Variants in EFR3A observed in about 807,000 individuals in gnomAD.
EFR3A encodes the protein EFR3 homolog A.
In EFR3A, 76 loss-of-function variants were observed where a neutral mutation model predicts 104.4. That is an observed-to-expected ratio of 0.73 (90% CI 0.60 to 0.88). EFR3A has a LOEUF of 0.88. EFR3A is among the 40% of genes least tolerant of loss of function. The pLI, the probability that EFR3A is intolerant of heterozygous loss-of-function variation, is 0.00. For missense variants in EFR3A, 985 were observed against 1,012.5 expected, an observed-to-expected ratio of 0.97 and a Z score of 0.37; for synonymous variants, 330 against 330.0, an observed-to-expected ratio of 1.00 and a Z score of 0.00.
chr8:131,977,723 ACTCT>A (rs549336173), intron 12 of EFR3A, among the ~76,000 whole-genome samples: 231 of 151,908 alleles, frequency 1.5e-3, no homozygotes, highest in Non-Finnish European at 2.5e-3. Flanking sequence ...TTTTAAACAG[ACTCT>A]CTCAAGTGCA....
intron 9 of EFR3A, among the ~76,000 whole-genome samples, chr8:131,969,711 A>C (rs2130699284): frequency 6.6e-6 from 1 of 152,106 alleles, no homozygotes; most frequent in African/African-American, 2.4e-5. Flanking sequence ...AAGAGATAAA[A>C]CTGGTTATTT....
chr8:131,927,342 T>C (rs1817352653), intron 1 of EFR3A, among the ~76,000 whole-genome samples: 1 of 152,162 alleles, frequency 6.6e-6, no homozygotes, highest in African/African-American at 2.4e-5. Context: ...CAACATTGCC[T>C]ATTTGCTCAG....
intron 8 of EFR3A, among the ~76,000 whole-genome samples, chr8:131,962,122 C>T (rs926570917): frequency 8.5e-5 from 13 of 152,174 alleles, no homozygotes; most frequent in Non-Finnish European, 1.9e-4. Flanking sequence ...ATTGTAAAGA[C>T]CATCGAGGCT....
intron 1 of EFR3A, among the ~76,000 whole-genome samples, chr8:131,927,747 ACTT>A (rs1326662248): frequency 1.3e-5 from 2 of 152,122 alleles, no homozygotes; most frequent in African/African-American, 4.8e-5. Context: ...ACAATTTACA[ACTT>A]CTTTTGTCTC....
chr8:131,986,094 G>A (rs1820860918), intron 16 of EFR3A, 100 bp from the exon 17 acceptor site: 5 of 509,808 alleles, frequency 9.8e-6, no homozygotes, highest in Admixed American at 4.0e-5. Flanking sequence ...TCTTATAAAT[G>A]TTTAAAGTTG....
chr8:131,991,819 G>C (rs868203493), intron 18 of EFR3A, among the ~76,000 whole-genome samples: 9 of 152,102 alleles, frequency 5.9e-5, no homozygotes, highest in Admixed American at 3.9e-4. Flanking sequence ...TAGGAAGTTG[G>C]GGGGTGAGAA....
chr8:131,920,768 G>A (rs1290263004), intron 1 of EFR3A, among the ~76,000 whole-genome samples: 1 of 151,684 alleles, frequency 6.6e-6, no homozygotes, highest in East Asian at 1.9e-4. Context: ...GGCCCTTAAC[G>A]AGATCCATGC....
intron 14 of EFR3A, among the ~76,000 whole-genome samples, chr8:131,981,666 TA>T (rs947888134): frequency 6.6e-6 from 1 of 152,118 alleles, no homozygotes; most frequent in Admixed American, 6.6e-5. Flanking sequence ...GACTGGCCTT[TA>T]GTTAAGAGAA....
intron 8 of EFR3A, among the ~76,000 whole-genome samples, chr8:131,960,449 C>A (rs908537508): frequency 1.3e-5 from 2 of 152,010 alleles, no homozygotes; most frequent in African/African-American, 4.8e-5. Flanking sequence ...CAAGGGATAG[C>A]TATAGTCTAG....
At position 131,970,460 on chromosome 8, in the gene EFR3A, A is replaced by T; in HGVS notation, c.992-16A>T. 1 of 1,610,864 alleles carries T rather than the reference A, an allele frequency of 6.2e-7. No homozygotes were observed. Among genetic ancestry groups the T allele is most frequent in the Admixed American group, 1.7e-5 (1 of 59,590 alleles). Reference sequence around the variant, plus strand: ...ACTAGAAACATGTATCTTCTCACATAAGTGATCCTTTATAGGTCCGACAGT... The same window carrying T: ...ACTAGAAACATGTATCTTCTCACATTAGTGATCCTTTATAGGTCCGACAGT... On this transcript the variant is annotated splice_polypyrimidine_tract_variant and intron_variant, in intron 9 of 22. Coordinates refer to ENST00000254624, the MANE Select transcript of EFR3A (RefSeq NM_015137.6).
intron 22 of EFR3A, among the ~76,000 whole-genome samples, chr8:132,010,497 A>C (rs1822290095): frequency 1.4e-5 from 2 of 147,122 alleles, no homozygotes; most frequent in African/African-American, 5.0e-5. Flanking sequence ...TGTATACATG[A>C]AATAATTTTT....
At chr8:131,975,793 G>T (rs767631666) in intron 10 of EFR3A, among the ~76,000 whole-genome samples, 1 of 152,072 alleles carries the variant, frequency 6.6e-6, no homozygotes, top group Non-Finnish European at 1.5e-5. Flanking sequence ...TATAAAAAAA[G>T]ACTTTGATAT....
At chr8:132,010,002 G>A (rs1822249610) in intron 22 of EFR3A, among the ~76,000 whole-genome samples, 1 of 151,810 alleles carries the variant, frequency 6.6e-6, no homozygotes, top group African/African-American at 2.4e-5. Flanking sequence ...ACTTAAATAG[G>A]CAGTTTACAT....
intron 19 of EFR3A, among the ~76,000 whole-genome samples, chr8:131,998,686 G>A (rs1379692467): frequency 6.6e-6 from 1 of 151,958 alleles, no homozygotes; most frequent in East Asian, 1.9e-4. Context: ...AAAATGTGCT[G>A]ATGCCATAAA....
At chr8:131,976,846 T>C (rs1173480725) in intron 11 of EFR3A, among the ~76,000 whole-genome samples, 195 bp from the exon 12 acceptor site, 4 of 152,160 alleles carry the variant, frequency 2.6e-5, no homozygotes, top group African/African-American at 7.2e-5. Context: ...AATTTTTTGT[T>C]TGATATTTTT....
At chr8:131,923,429 C>G (rs188783216) in intron 1 of EFR3A, among the ~76,000 whole-genome samples, 1 of 148,410 alleles carries the variant, frequency 6.7e-6, no homozygotes, top group African/African-American at 2.5e-5. Flanking sequence ...TGTACTCATT[C>G]TTTCTAATGT....
chr8:131,955,411 GTTAAA>G lies in EFR3A; in HGVS notation c.639-352_639-348del, dbSNP rs796673229. Among the ~76,000 whole-genome samples, 9 of 152,136 alleles carry G rather than the reference GTTAAA, an allele frequency of 5.9e-5. 1 individual carries two copies. The highest frequency in any genetic ancestry group is 2.2e-4 in the African/African-American group (9 of 41,510). On this transcript the variant is annotated intron_variant, in intron 6 of 22. Coordinates refer to ENST00000254624, the MANE Select transcript of EFR3A (RefSeq NM_015137.6). ...TTCACTTTATTTTTGCCCATTTACA[GTTAAA>G]TTAAGGATACCTAAAGATGGTCTCT... is the stretch of plus-strand genomic sequence containing the variant.
intron 18 of EFR3A, among the ~76,000 whole-genome samples, chr8:131,992,146 G>C (rs1487510599): frequency 1.3e-5 from 2 of 151,914 alleles, no homozygotes; most frequent in Non-Finnish European, 2.9e-5. Context: ...TTCACTTCCG[G>C]TGAGACCTTG....
Position 132,002,623 on chromosome 8 carries a change from C to G in EFR3A, c.2227C>G (p.Gln743Glu). The G allele has an allele frequency of 6.2e-7, 1 of 1,613,268 alleles. No homozygotes were observed. The highest frequency in any genetic ancestry group is 8.5e-7 in the Non-Finnish European group (1 of 1,179,470). ...KAIDTSGMEEQEKEKRRLVIE... is the reference protein window; with the variant it reads ...KAIDTSGMEEEEKEKRRLVIE... ...TATAGATACCAGTGGAATGGAAGAACAGGAAAAGGAAAAGAGGCGTCTTGT... is the reference window on the plus strand; with the variant it reads ...TATAGATACCAGTGGAATGGAAGAAGAGGAAAAGGAAAAGAGGCGTCTTGT... Residue 743 changes from glutamine (Q) to glutamate (E), a missense_variant, in exon 21 of 23, where the codon CAG becomes GAG. By Grantham distance (29) the Gln-to-Glu change is conservative. Coordinates refer to ENST00000254624, the MANE Select transcript of EFR3A (RefSeq NM_015137.6).
Sources: allele counts gnomAD v4.1 joint callset (sites outside exome capture counted in the v4.1 genomes callset), GRCh38; gene constraint gnomAD v4.1.1; transcripts MANE v1.5; gene names NCBI Gene and HGNC (gene_info 2026-07-23, HGNC 2026-07-21).